The following ABCA13 variants were observed in gnomAD, a reference collection of about 807,000 sequenced individuals.
The protein encoded by ABCA13 is ATP-binding cassette sub-family A member 13.
Under a neutral mutation model 478.7 loss-of-function variants are expected in ABCA13, and 476 were observed. The ratio of observed to expected loss-of-function variants is 0.99; its 90% CI spans 0.92 to 1.07. The LOEUF is 1.07. Among genes scored for constraint, ABCA13 ranks in the 50% least tolerant of loss-of-function variants. The pLI is 0.00. For missense variants in ABCA13, 6,060 were observed against 5,910.6 expected, an observed-to-expected ratio of 1.03 and a Z score of -0.83; for synonymous variants, 2,252 against 2,158.9, an observed-to-expected ratio of 1.04 and a Z score of -1.20.
intron 31 of ABCA13, among the ~76,000 whole-genome samples, chr7:48,357,347 G>A (rs984510314): frequency 2.0e-5 from 3 of 151,794 alleles, no homozygotes; most frequent in South Asian, 2.1e-4. Flanking sequence ...GACCCTCAGC[G>A]CTCAGAGCTG....
chr7:48,516,865 T>A lies in ABCA13; in HGVS notation c.13781T>A (p.Ile4594Asn). The change falls in exon 52 of 62, where the codon ATC becomes AAC. Residue 4594 changes from isoleucine to asparagine, a missense_variant. Physicochemically the swap from Ile to Asn is moderately radical, Grantham distance 149. Around this residue, in one of 3 missense-constraint regions of ABCA13, gnomAD observed 1,627 missense variants for 1,571.0 expected, o/e 1.04. Transcript: ENST00000435803. ...ACCATTATGCCCCGGTTGCTAGCCA[T>A]CATCTCCAAAGCTAAGGTCAGTAGC... ...LITIMPRLLAIISKAKNLQNI... is the reference protein window; with the variant it reads ...LITIMPRLLANISKAKNLQNI... 1.9e-6 allele frequency: 3 copies of A among 1,613,652 alleles called. No individual in the cohort carries two copies. The highest frequency in any genetic ancestry group is 2.5e-6 in the Non-Finnish European group (3 of 1,179,654).
chr7:48,460,229 T>C (rs141365527), intron 43 of ABCA13, among the ~76,000 whole-genome samples: 1 of 152,292 alleles, frequency 6.6e-6, no homozygotes, highest in Non-Finnish European at 1.5e-5. Flanking sequence ...TGGGTGCGTT[T>C]TTTAGTTTTC....
chr7:48,274,023 G>A lies in ABCA13; in HGVS notation c.4357G>A (p.Gly1453Ser). ...AAAAAAACCTCTTTGTTCATCAAAT[G>A]GCTCACATATAAATTGTGTCAATAT... Reference protein sequence around the residue: ...NIKKPLCSSNGSHINCVNIYL... With the variant: ...NIKKPLCSSNSSHINCVNIYL... The change falls in exon 17 of 62, where the codon GGC becomes AGC. Residue 1453 changes from glycine to serine, a missense_variant. By Grantham distance (56) the Gly-to-Ser change is moderately conservative. This residue lies in a region of ABCA13 where 4,423 missense variants were observed against 4,309.1 expected (regional missense o/e 1.03). Transcript: ENST00000435803. The A allele has an allele frequency of 1.9e-6, 3 of 1,605,826 alleles. No individual in the cohort carries two copies. The highest frequency in any genetic ancestry group is 2.6e-6 in the Non-Finnish European group (3 of 1,173,746).
chr7:48,295,763 T>C lies in ABCA13; in HGVS notation c.9019T>C (p.Ser3007Pro). ...LNCESLSKNL[S>P]STLESFKSSL... ...TTGTGAAAGTCTTAGCAAGAATCTTTCTAGCACCTTGGAGAGCTTCAAGAG... is the reference window on the plus strand; with the variant it reads ...TTGTGAAAGTCTTAGCAAGAATCTTCCTAGCACCTTGGAGAGCTTCAAGAG... The change falls in exon 21 of 62, where the codon TCT becomes CCT. Residue 3007 changes from serine to proline, a missense_variant. Ser to Pro is a moderately conservative substitution (Grantham distance 74). This residue lies in a region of ABCA13 where 4,423 missense variants were observed against 4,309.1 expected (regional missense o/e 1.03). Transcript: ENST00000435803. 6.2e-7 allele frequency: 1 copy of C among 1,614,056 alleles called. No individual in the cohort carries two copies. Among genetic ancestry groups the C allele is most frequent in the Admixed American group, 1.7e-5 (1 of 60,036 alleles).
chr7:48,485,080 T>G (rs1309051830), intron 47 of ABCA13, among the ~76,000 whole-genome samples: 4 of 152,238 alleles, frequency 2.6e-5, no homozygotes, highest in Admixed American at 2.6e-4. Context: ...AGTTCTATCA[T>G]TCACATCTTG....
At chr7:48,425,185 ACATGTGC>A (rs1821239881) in intron 41 of ABCA13, among the ~76,000 whole-genome samples, 1 of 152,074 alleles carries the variant, frequency 6.6e-6, no homozygotes, top group South Asian at 2.1e-4. Flanking sequence ...GTGCATTCAA[ACATGTGC>A]ATATACATTC....
At chr7:48,201,035 G>A (rs1041396864) in intron 3 of ABCA13, among the ~76,000 whole-genome samples, 3 of 152,200 alleles carry the variant, frequency 2.0e-5, no homozygotes, top group Non-Finnish European at 4.4e-5. Context: ...GAGCATCGGA[G>A]GCTCGCTCAC....
intron 8 of ABCA13, among the ~76,000 whole-genome samples, chr7:48,234,758 G>A (rs1015427165): frequency 6.6e-6 from 1 of 152,162 alleles, no homozygotes; most frequent in African/African-American, 2.4e-5. Context: ...AGGCACTTCT[G>A]CTTTGCATGG....
chr7:48,230,882 C>T (rs569268679), intron 7 of ABCA13, among the ~76,000 whole-genome samples: 28 of 152,240 alleles, frequency 1.8e-4, no homozygotes, highest in African/African-American at 6.0e-4. Flanking sequence ...GAATAAACAA[C>T]GAGCACTTCC....
At chr7:48,337,676 A>G (rs1806477730) in intron 28 of ABCA13, among the ~76,000 whole-genome samples, 1 of 152,246 alleles carries the variant, frequency 6.6e-6, no homozygotes, top group Non-Finnish European at 1.5e-5. Flanking sequence ...TGGATACATC[A>G]GTATCTTTCC....
intron 48 of ABCA13, among the ~76,000 whole-genome samples, chr7:48,503,745 A>G (rs1342555437): frequency 6.6e-6 from 1 of 152,224 alleles, no homozygotes; most frequent in South Asian, 2.1e-4. Context: ...TAATGCTGCA[A>G]TGCACATGGG....
At chr7:48,293,096 C>T (rs889316341) in intron 20 of ABCA13, among the ~76,000 whole-genome samples, 49 of 151,910 alleles carry the variant, frequency 3.2e-4, no homozygotes, top group Non-Finnish European at 6.2e-4. Context: ...TAGTTCCCCC[C>T]ACAGTGAGAT....
intron 23 of ABCA13, among the ~76,000 whole-genome samples, chr7:48,309,387 G>T (rs1801419216): frequency 6.6e-6 from 1 of 152,124 alleles, no homozygotes; most frequent in African/African-American, 2.4e-5. Context: ...TAATTGCGAT[G>T]CATGATAGTA....
At position 48,227,506 on chromosome 7, in the gene ABCA13, T is replaced by C. The variant is rs187157720; in HGVS notation, c.632+81T>C. The C allele has an allele frequency of 8.2e-4, 1,208 of 1,476,044 alleles. 13 individuals carry two copies. The highest frequency in any genetic ancestry group is 9.3e-5 in the Non-Finnish European group (102 of 1,092,266). 91.4% of individuals were successfully genotyped at this position (1,476,044 alleles called of 1,614,324 possible). A position where few individuals can be genotyped will look rare whatever the true frequency, so the allele number is the denominator to read the frequency against. On this transcript the variant is annotated intron_variant, in intron 6 of 61. Transcript: ENST00000435803. ...TTTTAAAATGAGAAATAAAAATTAC[T>C]AATTGTTGGATTTAAAAAAACCTCA...
intron 57 of ABCA13, among the ~76,000 whole-genome samples, chr7:48,589,865 C>T (rs1273159988): frequency 2.0e-5 from 3 of 152,184 alleles, no homozygotes; most frequent in Admixed American, 6.5e-5. Context: ...GAATGTCCTT[C>T]ATCAGGTCCT....
At chr7:48,178,774 A>G (rs1282896566) in intron 1 of ABCA13, among the ~76,000 whole-genome samples, 3 of 151,590 alleles carry the variant, frequency 2.0e-5, no homozygotes, top group African/African-American at 4.8e-5. Flanking sequence ...AACTGACTGG[A>G]TTTCAAAGAC....
intron 50 of ABCA13, 52 bp downstream of exon 50, chr7:48,508,101 G>A (rs1831370833): frequency 6.2e-7 from 1 of 1,610,696 alleles, no homozygotes; most frequent in Admixed American, 1.7e-5. Flanking sequence ...GATCTAAATA[G>A]TGCGTGTATG....
chr7:48,525,887 C>G (rs1489657106), intron 54 of ABCA13, among the ~76,000 whole-genome samples: 1 of 151,978 alleles, frequency 6.6e-6, no homozygotes, highest in Non-Finnish European at 1.5e-5. Context: ...CTGATGCTCT[C>G]CCTCCCACCA....
rs1806088022 is a variant in ABCA13, at chr7:48,335,378, A to G, written c.10000-44A>G. ...CTTGTTGGAAGATTTATCTTAATAT[A>G]ACAGCTGAATAAGAGACATATCCAA... On this transcript the variant is annotated intron_variant, in intron 27 of 61. Transcript: ENST00000435803. 6 of 1,401,686 alleles carry G rather than the reference A, an allele frequency of 4.3e-6. No homozygotes were observed. The East Asian group carries it at 1.4e-4, about 33-fold the overall frequency. 86.8% of individuals were successfully genotyped at this position (1,401,686 alleles called of 1,614,324 possible). A position where few individuals can be genotyped will look rare whatever the true frequency, so the allele number is the denominator to read the frequency against.
Sources: gnomAD v4.1 joint callset for allele counts (sites outside exome capture counted in the v4.1 genomes callset) on GRCh38, gnomAD v4.1.1 for gene constraint, gnomAD v4.1.1 regional missense constraint, MANE v1.5 for transcripts, NCBI Gene and HGNC (gene_info 2026-07-23, HGNC 2026-07-21) for gene names.